The following RELN variants were observed in gnomAD, a reference collection of about 807,000 sequenced individuals.
The protein encoded by RELN is reelin.
In RELN, 108 loss-of-function variants were observed where a neutral mutation model predicts 427.6. The ratio of observed to expected loss-of-function variants is 0.25; its 90% CI spans 0.22 to 0.30. The LOEUF (loss-of-function observed/expected upper bound fraction) is 0.30. Among genes scored for constraint, RELN ranks in the 10% least tolerant of loss-of-function variants. The pLI is 1.00. For missense variants in RELN, 3,715 were observed against 4,302.8 expected (o/e 0.86, Z 3.82); for synonymous variants, 1,524 against 1,513.4 (o/e 1.01, Z -0.16).
chr7:103,730,394 G>T (rs1004429461), intron 6 of RELN, among the ~76,000 whole-genome samples: 2 of 151,856 alleles, frequency 1.3e-5, no homozygotes, highest in African/African-American at 4.8e-5. Flanking sequence ...AAAAGTGATG[G>T]CCTACAGCCT....
At chr7:103,790,177 C>T (rs574048100) in intron 3 of RELN, among the ~76,000 whole-genome samples, 1 of 152,146 alleles carries the variant, frequency 6.6e-6, no homozygotes, top group South Asian at 2.1e-4. Flanking sequence ...CACAGTAGGG[C>T]CTGTTGTGGG....
intron 64 of RELN, among the ~76,000 whole-genome samples, chr7:103,475,289 T>C (rs1827995720): frequency 6.6e-6 from 1 of 151,980 alleles, no homozygotes; most frequent in Non-Finnish European, 1.5e-5. Context: ...ATATCTTGGC[T>C]CCCCACAACT....
At chr7:103,575,796 A>T (rs1414840385) in intron 28 of RELN, 91 bp from the exon 29 acceptor site, 3 of 1,397,872 alleles carry the variant, frequency 2.1e-6, no homozygotes, top group Non-Finnish European at 3.0e-6. Context: ...CTCAACAGAG[A>T]CTTAATATTT....
intron 3 of RELN, among the ~76,000 whole-genome samples, chr7:103,808,870 C>T (rs954887772): frequency 7.9e-5 from 12 of 152,046 alleles, no homozygotes; most frequent in Non-Finnish European, 1.3e-4. Context: ...GAAACAGAAA[C>T]GGGGTTAATC....
intron 3 of RELN, among the ~76,000 whole-genome samples, chr7:103,783,263 G>C (rs1349773253): frequency 2.7e-5 from 4 of 150,158 alleles, no homozygotes; most frequent in Admixed American, 2.7e-4. Context: ...TCAAAGTGCT[G>C]GGATTAAAAG....
intron 8 of RELN, among the ~76,000 whole-genome samples, chr7:103,705,181 A>C (rs1834173760): frequency 6.6e-6 from 1 of 152,170 alleles, no homozygotes; most frequent in Admixed American, 6.6e-5. Flanking sequence ...TACATTCCAG[A>C]ATGATTAGAT....
At chr7:103,489,307 G>A (rs1828567794) in intron 60 of RELN, among the ~76,000 whole-genome samples, 1 of 151,960 alleles carries the variant, frequency 6.6e-6, no homozygotes, top group Non-Finnish European at 1.5e-5. Context: ...AGCTGCTGCT[G>A]GAAGAGGCTG....
At chr7:103,475,030 C>T (rs181489549) in intron 64 of RELN, among the ~76,000 whole-genome samples, 305 of 152,248 alleles carry the variant, frequency 2.0e-3, no homozygotes, top group Non-Finnish European at 3.5e-3. Context: ...CTTAAACAGA[C>T]GTTTCAAGTC....
At chr7:103,944,900 T>A (rs188910669) in intron 1 of RELN, among the ~76,000 whole-genome samples, 2 of 152,200 alleles carry the variant, frequency 1.3e-5, no homozygotes, top group Admixed American at 6.5e-5. Flanking sequence ...TGTGACCCCA[T>A]AATCCCTTTA....
chr7:103,790,172 T>C (rs1396319374), intron 3 of RELN, among the ~76,000 whole-genome samples: 3 of 152,084 alleles, frequency 2.0e-5, no homozygotes, highest in Non-Finnish European at 2.9e-5. Flanking sequence ...CATTACACAG[T>C]AGGGCCTGTT....
intron 6 of RELN, among the ~76,000 whole-genome samples, chr7:103,740,678 A>G (rs1262724389): frequency 6.6e-6 from 1 of 152,210 alleles, no homozygotes; most frequent in Non-Finnish European, 1.5e-5. Context: ...GAATTATGTG[A>G]GATAGAATTA....
intron 61 of RELN, among the ~76,000 whole-genome samples, chr7:103,485,036 C>A (rs1217145004): frequency 6.6e-6 from 1 of 152,064 alleles, no homozygotes; most frequent in Non-Finnish European, 1.5e-5. Flanking sequence ...TCATAAGATT[C>A]CTCATGATTA....
At chr7:103,525,402 A>G (rs950207136) in intron 46 of RELN, among the ~76,000 whole-genome samples, 2 of 152,146 alleles carry the variant, frequency 1.3e-5, no homozygotes, top group Non-Finnish European at 2.9e-5. Context: ...CTTTTTGTTC[A>G]ACATCGTAGA....
intron 2 of RELN, among the ~76,000 whole-genome samples, chr7:103,839,079 G>A (rs2116426505): frequency 6.6e-6 from 1 of 152,244 alleles, no homozygotes; most frequent in East Asian, 1.9e-4. Context: ...TTAGAAATGT[G>A]CCTTAGTAAA....
chr7:103,962,513 G>A (rs1457699520), intron 1 of RELN, among the ~76,000 whole-genome samples: 1 of 151,878 alleles, frequency 6.6e-6, no homozygotes. Flanking sequence ...CTGCCAGGAG[G>A]TCGTTGCACT....
chr7:103,808,462 C>T (rs1007549912), intron 3 of RELN, among the ~76,000 whole-genome samples: 1 of 151,960 alleles, frequency 6.6e-6, no homozygotes, highest in Non-Finnish European at 1.5e-5. Flanking sequence ...TCAACTCCTG[C>T]TCCCCCTGGC....
chr7:103,728,911 G>A (rs1263717182), intron 6 of RELN, among the ~76,000 whole-genome samples: 2 of 152,018 alleles, frequency 1.3e-5, no homozygotes, highest in African/African-American at 2.4e-5. Flanking sequence ...CTAACCTCAC[G>A]AATAACGGAA....
intron 2 of RELN, among the ~76,000 whole-genome samples, chr7:103,853,842 C>T (rs1467834785): frequency 6.6e-6 from 1 of 151,778 alleles, no homozygotes; most frequent in Non-Finnish European, 1.5e-5. Context: ...AATAGAGGAA[C>T]CCAGTAAAAA....
At position 103,503,060 on chromosome 7, in the gene RELN, C is replaced by A. The variant is rs1156230944; in HGVS notation, c.8445G>T (p.Gly2815=). 4 of 1,614,026 alleles carry A rather than the reference C, an allele frequency of 2.5e-6. No individual in the cohort carries two copies. Among genetic ancestry groups the A allele is most frequent in the Non-Finnish European group, 2.5e-6 (3 of 1,180,030 alleles). The change falls in exon 52 of 65, where the codon GGG becomes GGT. Residue 2815 remains glycine (G), a synonymous_variant. Coordinates refer to ENST00000428762, the MANE Select transcript of RELN (RefSeq NM_005045.4). ...SQPSVFFPTK[G]WKRITYPLPE... is the part of the protein sequence containing the mutation. Reference sequence around the variant, plus strand: ...GAAGTGGGTAGGTGATCCTTTTCCACCCTTTAGTTGGAAAGAATACAGATG... The same window carrying A: ...GAAGTGGGTAGGTGATCCTTTTCCAACCTTTAGTTGGAAAGAATACAGATG...
Sources: allele counts gnomAD v4.1 joint callset (sites outside exome capture counted in the v4.1 genomes callset), GRCh38; gene constraint gnomAD v4.1.1; transcripts MANE v1.5; gene names NCBI Gene and HGNC (gene_info 2026-07-23, HGNC 2026-07-21).